Variants in NTRK3 observed in about 807,000 individuals in gnomAD.
NTRK3 encodes the protein NT-3 growth factor receptor.
A neutral mutation model predicts 91.7 loss-of-function variants in NTRK3; 24 were observed. That is an observed-to-expected ratio of 0.26 (90% confidence interval 0.19 to 0.37). The LOEUF is 0.37. NTRK3 is among the 10% of genes least tolerant of loss of function. The probability of loss-of-function intolerance (pLI) is 1.00; values close to 1 mark genes in which losing one functional copy is unlikely to be tolerated. For missense variants in NTRK3, 880 were observed against 1,068.9 expected, an observed-to-expected ratio of 0.82 and a Z score of 2.46; for synonymous variants, 483 against 404.0, an observed-to-expected ratio of 1.20 and a Z score of -2.34.
chr15:88,021,363 C>A (rs911459810), intron 14 of NTRK3, among the ~76,000 whole-genome samples: 3 of 152,188 alleles, frequency 2.0e-5, no homozygotes, highest in African/African-American at 7.2e-5. Flanking sequence ...GCCCCCAAAC[C>A]CCAGAACAGC....
chr15:88,116,938 C>T (rs546137693), intron 13 of NTRK3, among the ~76,000 whole-genome samples: 1 of 152,318 alleles, frequency 6.6e-6, no homozygotes, highest in South Asian at 2.1e-4. Context: ...AACAAGCTCC[C>T]AGCATTATCA....
intron 6 of NTRK3, among the ~76,000 whole-genome samples, chr15:88,146,261 GA>G (rs919170520): frequency 2.1e-4 from 32 of 152,264 alleles, no homozygotes; most frequent in African/African-American, 7.0e-4. Flanking sequence ...AGCTGGGTCT[GA>G]AAAGGTAAGG....
At chr15:88,128,655 G>A in intron 11 of NTRK3, 56 bp downstream of exon 11, 2 of 1,576,060 alleles carry the variant, frequency 1.3e-6, no homozygotes, top group Non-Finnish European at 1.7e-6. Flanking sequence ...GAATTCAATA[G>A]TTACCGATAG....
rs769381115 is a variant in NTRK3 at position 88,136,632 on chromosome 15, G to A, written c.623-23C>T. On this transcript the variant is annotated intron_variant, in intron 7 of 18. Transcript: ENST00000394480. ...GGTCTGGGAGCCAGACAAAGTGGGT[G>A]AAAAGACAGGCAAACACTTACTACC... The A allele has an allele frequency of 3.7e-6, 6 of 1,608,476 alleles. No individual in the cohort carries two copies. In the East Asian group the frequency reaches 1.3e-4, roughly 36 times the overall value.
At chr15:88,164,678 C>T (rs2044765302) in intron 5 of NTRK3, among the ~76,000 whole-genome samples, 1 of 152,110 alleles carries the variant, frequency 6.6e-6, no homozygotes, top group South Asian at 2.1e-4. Flanking sequence ...CCCTCTCTCC[C>T]CACCCTGCCC....
At chr15:88,052,731 G>A (rs921647371) in intron 13 of NTRK3, among the ~76,000 whole-genome samples, 1 of 152,116 alleles carries the variant, frequency 6.6e-6, no homozygotes, top group Non-Finnish European at 1.5e-5. Flanking sequence ...GGTAATGGAG[G>A]TGGAGGGTGT....
At chr15:88,014,781 C>CGGT (rs1268000974) in intron 14 of NTRK3, among the ~76,000 whole-genome samples, 1 of 152,222 alleles carries the variant, frequency 6.6e-6, no homozygotes, top group Non-Finnish European at 1.5e-5. Context: ...TGCAGGAACA[C>CGGT]GGTCTCTGAT....
chr15:88,179,903 T>C (rs2046313614), intron 5 of NTRK3, among the ~76,000 whole-genome samples: 1 of 152,216 alleles, frequency 6.6e-6, no homozygotes, highest in South Asian at 2.1e-4. Flanking sequence ...AGAAAGACGC[T>C]GGAGAATATG....
intron 10 of NTRK3, 148 bp from the exon 11 acceptor site, chr15:88,128,882 C>T: frequency 1.3e-6 from 1 of 744,344 alleles, no homozygotes; most frequent in Admixed American, 1.9e-5. Context: ...TGGCACATCA[C>T]CCGTCTCCCC....
chr15:88,075,206 T>A (rs1280345958), intron 13 of NTRK3, among the ~76,000 whole-genome samples: 2 of 152,206 alleles, frequency 1.3e-5, no homozygotes, highest in African/African-American at 4.8e-5. Flanking sequence ...TTGACCACCC[T>A]GGCTCCTGCA....
intron 14 of NTRK3, among the ~76,000 whole-genome samples, chr15:87,971,087 C>T (rs1001779752): frequency 6.6e-6 from 1 of 152,156 alleles, no homozygotes; most frequent in African/African-American, 2.4e-5. Flanking sequence ...AATTGACAGC[C>T]ATAAAGATTG....
exon 19 of NTRK3, chr15:87,869,156 A>G (rs924799328): frequency 4.4e-6 from 1 of 229,038 alleles, no homozygotes; most frequent in African/African-American, 2.2e-5. Flanking sequence ...CTAAGCAGAA[A>G]GCCTGGCTCA....
intron 5 of NTRK3, among the ~76,000 whole-genome samples, chr15:88,159,408 G>A (rs2044225486): frequency 6.6e-6 from 1 of 152,150 alleles, no homozygotes; most frequent in Admixed American, 6.5e-5. Flanking sequence ...GAATCACCTG[G>A]AGGCTTGGAA....
intron 16 of NTRK3, among the ~76,000 whole-genome samples, chr15:87,930,276 T>C (rs2068678684): frequency 6.6e-6 from 1 of 152,094 alleles, no homozygotes; most frequent in South Asian, 2.1e-4. Context: ...CCTTGCCTGA[T>C]CATATCAGTC....
At chr15:87,871,902 T>C in exon 19 of NTRK3, 1 of 220,950 alleles carries the variant, frequency 4.5e-6, no homozygotes, top group Non-Finnish European at 9.1e-6. Context: ...CCCATATTGA[T>C]GTCTTAATAA....
intron 14 of NTRK3, among the ~76,000 whole-genome samples, chr15:88,021,676 A>G (rs1258201481): frequency 1.3e-5 from 2 of 152,186 alleles, no homozygotes; most frequent in South Asian, 4.1e-4. Context: ...AAGATGGAAG[A>G]GCAGTTGTAC....
At chr15:87,969,699 AG>A (rs1453545949) in intron 14 of NTRK3, among the ~76,000 whole-genome samples, 4 of 152,068 alleles carry the variant, frequency 2.6e-5, no homozygotes, top group Admixed American at 2.0e-4. Context: ...CTCCCTCCCT[AG>A]CCAGCCCAGG....
Position 88,044,408 on chromosome 15 carries a change from C to T in NTRK3, c.1397-11363G>A, listed in dbSNP as rs182888430. 1.1e-4 allele frequency among the ~76,000 whole-genome samples: 17 copies of T among 151,800 alleles called. No individual in the cohort carries two copies. In the East Asian group the frequency reaches 3.3e-3, roughly 30 times the overall value. ...CCCGAGTAGCTGGGACTAAAGGCAC[C>T]TGCCACCATACCCGGCTAATTTTTT... On this transcript the variant is annotated intron_variant, in intron 13 of 18. Coordinates refer to ENST00000394480, the Ensembl canonical transcript of NTRK3.
chr15:88,125,411 A>G (rs955223150), intron 13 of NTRK3, among the ~76,000 whole-genome samples: 1 of 152,206 alleles, frequency 6.6e-6, no homozygotes, highest in African/African-American at 2.4e-5. Flanking sequence ...GTCTCACCAG[A>G]TAACACCAAC....
Sources: gnomAD v4.1 joint callset for allele counts (sites outside exome capture counted in the v4.1 genomes callset) on GRCh38, gnomAD v4.1.1 for gene constraint, MANE v1.5 for transcripts, NCBI Gene and HGNC (gene_info 2026-07-23, HGNC 2026-07-21) for gene names.